The following COG5 variants were observed in gnomAD, a reference collection of about 807,000 sequenced individuals.
COG5 encodes the protein component of oligomeric golgi complex 5.
A neutral mutation model predicts 110.4 loss-of-function variants in COG5; 86 were observed. The ratio of observed to expected loss-of-function variants is 0.78; its 90% CI spans 0.65 to 0.93. The LOEUF (loss-of-function observed/expected upper bound fraction) is 0.93, where lower values mean the gene tolerates loss of function less well. COG5 is among the 40% of genes least tolerant of loss of function. COG5 has a pLI of 0.00. For synonymous variants in COG5, 360 were observed against 334.6 expected (o/e 1.08, Z -0.83); for missense variants, 1,077 against 987.0 (o/e 1.09, Z -1.22).
chr7:107,345,966 G>C (rs1172961426), intron 10 of COG5, among the ~76,000 whole-genome samples: 1 of 152,074 alleles, frequency 6.6e-6, no homozygotes, highest in Non-Finnish European at 1.5e-5. Context: ...ATACAATTTT[G>C]TACAGCTTAA....
chr7:107,230,740 G>A (rs1248502903), intron 18 of COG5, 49 bp from the exon 19 acceptor site: 9 of 1,408,006 alleles, frequency 6.4e-6, no homozygotes, highest in African/African-American at 5.7e-5. Flanking sequence ...AATCATTAGG[G>A]GAATTTGGGA....
At chr7:107,445,918 C>T (rs1471382983) in intron 6 of COG5, among the ~76,000 whole-genome samples, 1 of 152,180 alleles carries the variant, frequency 6.6e-6, no homozygotes, top group African/African-American at 2.4e-5. Flanking sequence ...TACATAAATA[C>T]AGGGCCACTG....
chr7:107,297,030 C>A (rs1054757272), intron 12 of COG5, among the ~76,000 whole-genome samples: 1 of 152,142 alleles, frequency 6.6e-6, no homozygotes, highest in Non-Finnish European at 1.5e-5. Flanking sequence ...GCTAAACTTG[C>A]TGAGATGGTA....
At chr7:107,448,214 T>C (rs1319485889) in intron 6 of COG5, among the ~76,000 whole-genome samples, 4 of 151,048 alleles carry the variant, frequency 2.6e-5, no homozygotes, top group African/African-American at 9.9e-5. Context: ...GAATGTTATA[T>C]TGCTGAACAG....
intron 6 of COG5, among the ~76,000 whole-genome samples, chr7:107,509,408 A>G: frequency 6.6e-6 from 1 of 152,238 alleles, no homozygotes; most frequent in Non-Finnish European, 1.5e-5. Context: ...TGAAAAGACC[A>G]AGTCTACGTC....
intron 17 of COG5, among the ~76,000 whole-genome samples, chr7:107,237,795 G>A (rs746193933): frequency 1.3e-5 from 2 of 152,114 alleles, no homozygotes; most frequent in Non-Finnish European, 2.9e-5. Context: ...ATGGAGTGGC[G>A]CTTGGGTACA....
At chr7:107,353,424 C>CA (rs1169669994) in intron 10 of COG5, among the ~76,000 whole-genome samples, 13,237 of 83,342 alleles carry the variant, frequency 0.16, 1,455 homozygotes, top group African/African-American at 0.31. Context: ...GACTCCGTCT[C>CA]AAAAAAAAAA....
At chr7:107,425,585 C>T (rs6979121) in intron 6 of COG5, among the ~76,000 whole-genome samples, 4 of 151,420 alleles carry the variant, frequency 2.6e-5, no homozygotes, top group East Asian at 1.9e-4. Flanking sequence ...CTTACTATGA[C>T]GAAATAACAT....
At chr7:107,277,759 T>C (rs1277098674) in intron 14 of COG5, among the ~76,000 whole-genome samples, 2 of 152,176 alleles carry the variant, frequency 1.3e-5, no homozygotes, top group Non-Finnish European at 2.9e-5. Flanking sequence ...AAAAATAAAT[T>C]CTCTGGTATC....
intron 10 of COG5, among the ~76,000 whole-genome samples, chr7:107,328,231 C>G (rs932018255): frequency 2.0e-5 from 3 of 152,152 alleles, no homozygotes; most frequent in African/African-American, 7.2e-5. Flanking sequence ...CCTATCACTC[C>G]TGGGCTACAA....
rs71134260 is a variant in COG5 at position 107,311,370 on chromosome 7, ATTTTTTTTTTTT to A, written c.1109-13036_1109-13025del. ...TATAAGTGATATCGAGCGTATTTACATTTTTTTTTTTTTTTTTTTTTTTTTTTTTTTTTTGAG... is the reference window on the plus strand; with the variant it reads ...TATAAGTGATATCGAGCGTATTTACATTTTTTTTTTTTTTTTTTTTTTGAG... On this transcript the variant is annotated intron_variant, in intron 11 of 21. Coordinates refer to ENST00000297135, the MANE Select transcript of COG5 (RefSeq NM_006348.5). 9.5e-4 allele frequency among the ~76,000 whole-genome samples: 56 copies of A among 58,956 alleles called. 1 individual carries two copies. In the East Asian group the frequency reaches 0.019, roughly 20 times the overall value. 38.7% of individuals were successfully genotyped at this position (58,956 alleles called of 152,430 possible).
At chr7:107,385,336 C>T (rs773319863) in intron 7 of COG5, among the ~76,000 whole-genome samples, 5 of 152,170 alleles carry the variant, frequency 3.3e-5, no homozygotes, top group African/African-American at 7.2e-5. Flanking sequence ...TTTTAAGCCA[C>T]CCCAGTTGTG....
intron 6 of COG5, among the ~76,000 whole-genome samples, chr7:107,414,528 T>C (rs1434792546): frequency 6.6e-6 from 1 of 152,060 alleles, no homozygotes; most frequent in African/African-American, 2.4e-5. Flanking sequence ...GTCATTTTAC[T>C]AGGCTTTCAA....
At chr7:107,487,067 T>C (rs1470379340) in intron 6 of COG5, among the ~76,000 whole-genome samples, 1 of 152,216 alleles carries the variant, frequency 6.6e-6, no homozygotes, top group Non-Finnish European at 1.5e-5. Context: ...AAATCCATTA[T>C]TAAGTAAAAT....
At chr7:107,332,666 C>A (rs1223034848) in intron 10 of COG5, among the ~76,000 whole-genome samples, 4 of 151,978 alleles carry the variant, frequency 2.6e-5, no homozygotes, top group Non-Finnish European at 5.9e-5. Context: ...CACTGACCAA[C>A]AAGGTTTCAG....
intron 17 of COG5, among the ~76,000 whole-genome samples, chr7:107,241,916 G>A (rs1239033467): frequency 2.0e-5 from 3 of 152,012 alleles, no homozygotes; most frequent in Non-Finnish European, 2.9e-5. Flanking sequence ...CAAAGAGCTG[G>A]AACTACCGAT....
intron 6 of COG5, among the ~76,000 whole-genome samples, chr7:107,416,841 A>T (rs976045997): frequency 6.6e-6 from 1 of 152,222 alleles, no homozygotes; most frequent in Non-Finnish European, 1.5e-5. Flanking sequence ...TTTAACGCAA[A>T]GATTATTAAC....
chr7:107,280,405 A>T (rs1322790378), intron 14 of COG5, among the ~76,000 whole-genome samples: 1 of 152,106 alleles, frequency 6.6e-6, no homozygotes, highest in Non-Finnish European at 1.5e-5. Context: ...ATCCTTCAGT[A>T]TGTCACCAAC....
intron 11 of COG5, among the ~76,000 whole-genome samples, chr7:107,300,900 A>T (rs1157772445): frequency 6.6e-6 from 1 of 152,174 alleles, no homozygotes; most frequent in East Asian, 1.9e-4. Flanking sequence ...CCTGATTTCA[A>T]GACATATAAA....
Sources: gnomAD v4.1 joint callset for allele counts (sites outside exome capture counted in the v4.1 genomes callset) on GRCh38, gnomAD v4.1.1 for gene constraint, MANE v1.5 for transcripts, NCBI Gene and HGNC (gene_info 2026-07-23, HGNC 2026-07-21) for gene names.